The following INPP4A variants were observed in gnomAD, a reference collection of about 807,000 sequenced individuals.
The protein encoded by INPP4A is inositol polyphosphate-4-phosphatase type I A, also known as inositol polyphosphate-4-phosphatase, type I, 107kD.
INPP4A carries 33 observed loss-of-function variants against 119.8 expected under a neutral mutation model. The observed-to-expected ratio is 0.28, with a 90% CI of 0.21 to 0.37. The LOEUF (loss-of-function observed/expected upper bound fraction) is 0.37, where lower values mean the gene tolerates loss of function less well. INPP4A is among the 10% of genes least tolerant of loss of function. The pLI, the probability that INPP4A is intolerant of heterozygous loss-of-function variation, is 1.00. For synonymous variants in INPP4A, 496 were observed against 500.7 expected, an observed-to-expected ratio of 0.99 and a Z score of 0.12; for missense variants, 956 against 1,289.9, an observed-to-expected ratio of 0.74 and a Z score of 3.97.
intron 7 of INPP4A, 98 bp downstream of exon 7, chr2:98,536,306 T>A: frequency 1.3e-6 from 1 of 743,404 alleles, no homozygotes; most frequent in Non-Finnish European, 2.4e-6. Context: ...AGAGCACCCT[T>A]CCCTTCCCAG....
chr2:98,564,910 G>C, intron 19 of INPP4A, 147 bp downstream of exon 19: 1 of 997,758 alleles, frequency 1.0e-6, no homozygotes. Context: ...GGCAGACCTG[G>C]CAGTTACACA....
At chr2:98,536,576 G>A (rs1320579522) in intron 7 of INPP4A, among the ~76,000 whole-genome samples, 1 of 152,134 alleles carries the variant, frequency 6.6e-6, no homozygotes, top group East Asian at 1.9e-4. Context: ...CACCTAGAAT[G>A]TGTCTGGTGC....
At chr2:98,562,171 T>G (rs1240208861) in intron 17 of INPP4A, among the ~76,000 whole-genome samples, 1 of 152,222 alleles carries the variant, frequency 6.6e-6, no homozygotes, top group Non-Finnish European at 1.5e-5. Flanking sequence ...CTTGCTAAAT[T>G]TAAGCCTGCT....
At chr2:98,544,896 G>C (rs1475929762) in intron 11 of INPP4A, among the ~76,000 whole-genome samples, 1 of 152,210 alleles carries the variant, frequency 6.6e-6, no homozygotes, top group African/African-American at 2.4e-5. Context: ...TATGTCACTA[G>C]GAGAAACGGC....
chr2:98,573,300 C>CAA (rs1697812051), intron 23 of INPP4A, among the ~76,000 whole-genome samples: 1 of 152,226 alleles, frequency 6.6e-6, no homozygotes. Flanking sequence ...CCATCTTTAT[C>CAA]GTCCATTGTG....
chr2:98,567,734 C>T (rs1696730933), intron 21 of INPP4A, among the ~76,000 whole-genome samples: 1 of 152,164 alleles, frequency 6.6e-6, no homozygotes, highest in Non-Finnish European at 1.5e-5. Flanking sequence ...TGTTTATAAG[C>T]TGAGGGAAGA....
intron 21 of INPP4A, among the ~76,000 whole-genome samples, chr2:98,567,907 CTCGGAAGG>C (rs1696765061): frequency 1.3e-5 from 2 of 152,204 alleles, no homozygotes; most frequent in Admixed American, 6.5e-5. Flanking sequence ...GAAGCTGATG[CTCGGAAGG>C]CCCCTCAGCA....
At chr2:98,572,282 T>TGGAGGAGGAGCTGTTAGGATGTG (rs1208124532) in intron 22 of INPP4A, among the ~76,000 whole-genome samples, 1 of 152,016 alleles carries the variant, frequency 6.6e-6, no homozygotes, top group Non-Finnish European at 1.5e-5. Context: ...ACTGCCAGAG[T>TGGAGGAGGAGCTGTTAGGATGTG]GGAGGAGGAG....
rs1484040217 is a variant in INPP4A, at chr2:98,592,343, C to T, written c.*4735C>T. 1 of 152,338 alleles carries T rather than the reference C, an allele frequency of 6.6e-6. No homozygotes were observed. The highest frequency in any genetic ancestry group is 1.9e-4 in the East Asian group (1 of 5,178). 9.4% of individuals were successfully genotyped at this position (152,338 alleles called of 1,614,324 possible). A position where few individuals can be genotyped will look rare whatever the true frequency, so the allele number is the denominator to read the frequency against. ...GCAGTGATGACAGAACCAAGGGGGT[C>T]AAGGAAGATTGGAGAGGAGTGGGCA... On this transcript the variant is annotated 3_prime_UTR_variant, in exon 25 of 25. Coordinates refer to ENST00000409851, the MANE Select transcript of INPP4A (RefSeq NM_001134225.2).
chr2:98,515,378 C>T (rs1238431337), intron 1 of INPP4A, among the ~76,000 whole-genome samples: 5 of 145,544 alleles, frequency 3.4e-5, no homozygotes, highest in Admixed American at 7.4e-5. Context: ...AGCAGAGGCA[C>T]AGTGAAGCTT....
At chr2:98,504,681 A>G (rs1468890588) in intron 1 of INPP4A, among the ~76,000 whole-genome samples, 3 of 152,204 alleles carry the variant, frequency 2.0e-5, no homozygotes, top group Admixed American at 6.5e-5. Context: ...TGCTACTCAG[A>G]AAATTTTTTA....
intron 24 of INPP4A, 49 bp from the exon 25 acceptor site, chr2:98,587,427 T>C: frequency 6.6e-7 from 1 of 1,514,822 alleles, no homozygotes; most frequent in Non-Finnish European, 8.8e-7. Context: ...AAGTCTTTTC[T>C]TTTTTCCTTT....
Position 98,592,822 on chromosome 2 carries a change from A to G in INPP4A, c.*5214A>G, listed in dbSNP as rs920438100. 6.6e-6 allele frequency: 1 copy of G among 152,392 alleles called. No homozygotes were observed. Among genetic ancestry groups the G allele is most frequent in the Non-Finnish European group, 1.5e-5 (1 of 68,222 alleles). 9.4% of individuals were successfully genotyped at this position (152,392 alleles called of 1,614,324 possible). A position where few individuals can be genotyped will look rare whatever the true frequency, so the allele number is the denominator to read the frequency against. On this transcript the variant is annotated 3_prime_UTR_variant, in exon 25 of 25. Coordinates refer to ENST00000409851, the MANE Select transcript of INPP4A (RefSeq NM_001134225.2). ...ACATCGGCCCCAGGATCAGTCTACG[A>G]TTTGTCTGGTGGCCAAATGATGACT...
chr2:98,500,181 CT>C lies in INPP4A; in HGVS notation c.-165-18782del, dbSNP rs148617655. ...TTAGTAACTTGTGGTATACAGAGTCCTCACGCATGCTTTCTTACTTGAGATT... is the reference window on the plus strand; with the variant it reads ...TTAGTAACTTGTGGTATACAGAGTCCCACGCATGCTTTCTTACTTGAGATT... On this transcript the variant is annotated intron_variant, in intron 1 of 24. Transcript: ENST00000409851. 3.5e-3 allele frequency among the ~76,000 whole-genome samples: 540 copies of C among 152,226 alleles called. 26 individuals carry two copies. In the East Asian group the frequency reaches 0.075, roughly 21 times the overall value.
At position 98,588,868 on chromosome 2, in the gene INPP4A, A is replaced by G; in HGVS notation, c.*1260A>G. The G allele has an allele frequency of 4.7e-6, 1 of 211,488 alleles. No homozygotes were observed. Among genetic ancestry groups the G allele is most frequent in the Non-Finnish European group, 9.6e-6 (1 of 104,604 alleles). 13.1% of individuals were successfully genotyped at this position (211,488 alleles called of 1,614,324 possible). A position where few individuals can be genotyped will look rare whatever the true frequency, so the allele number is the denominator to read the frequency against. On this transcript the variant is annotated 3_prime_UTR_variant, in exon 25 of 25. Coordinates refer to ENST00000409851, the MANE Select transcript of INPP4A (RefSeq NM_001134225.2). ...GTTGTAAAAGAAATACATATGGCAC[A>G]TATTAATGATGCTGATCCTAATGAT...
chr2:98,563,612 G>A lies in INPP4A; in HGVS notation c.2003G>A (p.Arg668His), dbSNP rs1695885654. The A allele has an allele frequency of 6.2e-7, 1 of 1,612,976 alleles. No homozygotes were observed. Among genetic ancestry groups the A allele is most frequent in the Non-Finnish European group, 8.5e-7 (1 of 1,179,826 alleles). Residue 668 changes from arginine (R) to histidine (H), a missense_variant, in exon 18 of 25, where the codon CGC (arginine) becomes CAC (histidine). Physicochemically the swap from Arg to His is conservative, Grantham distance 29. Coordinates refer to ENST00000409851, the MANE Select transcript of INPP4A (RefSeq NM_001134225.2). ...GCCACCTACCTGAGCCTGCAGTACC[G>A]CCGTGACGTGGTCTTCTGCCAGACG... ...TIATYLSLQY[R>H]RDVVFCQTLT... is the part of the protein sequence containing the mutation.
intron 1 of INPP4A, among the ~76,000 whole-genome samples, chr2:98,480,869 G>T (rs751233355): frequency 6.6e-6 from 1 of 152,226 alleles, no homozygotes; most frequent in African/African-American, 2.4e-5. Context: ...CCCTGTGCTG[G>T]CCTGTGGAGG....
At chr2:98,556,698 T>G (rs1277617415) in intron 16 of INPP4A, among the ~76,000 whole-genome samples, 1 of 152,258 alleles carries the variant, frequency 6.6e-6, no homozygotes, top group Non-Finnish European at 1.5e-5. Flanking sequence ...AATTCTGAAT[T>G]GGAGAACTTC....
intron 4 of INPP4A, among the ~76,000 whole-genome samples, chr2:98,525,396 A>C (rs1688008716): frequency 6.6e-6 from 1 of 152,230 alleles, no homozygotes; most frequent in Non-Finnish European, 1.5e-5. Context: ...AATCCATCTG[A>C]AGATCACTTA....
Sources: allele counts gnomAD v4.1 joint callset (sites outside exome capture counted in the v4.1 genomes callset), GRCh38; gene constraint gnomAD v4.1.1; transcripts MANE v1.5; gene names NCBI Gene and HGNC (gene_info 2026-07-23, HGNC 2026-07-21).